The following ADAMTS17 variants were observed in gnomAD, a reference collection of about 807,000 sequenced individuals.
The protein encoded by ADAMTS17 is ADAM metallopeptidase with thrombospondin type 1 motif 17, also known as A disintegrin and metalloproteinase with thrombospondin motifs 17.
Under a neutral mutation model 141.5 loss-of-function variants are expected in ADAMTS17, and 113 were observed. The observed-to-expected ratio is 0.80, with a 90% CI of 0.69 to 0.93. The LOEUF (loss-of-function observed/expected upper bound fraction) is 0.93. Ranked by LOEUF, ADAMTS17 falls within the 40% of genes least tolerant of loss-of-function variation. The pLI, the probability that ADAMTS17 is intolerant of heterozygous loss-of-function variation, is 0.00. For synonymous variants in ADAMTS17, 768 were observed against 630.6 expected, an observed-to-expected ratio of 1.22 and a Z score of -3.27; for missense variants, 1,659 against 1,517.9, an observed-to-expected ratio of 1.09 and a Z score of -1.54.
chr15:99,977,416 T>A (rs2060385847), intron 20 of ADAMTS17, among the ~76,000 whole-genome samples: 3 of 85,498 alleles, frequency 3.5e-5, no homozygotes, highest in Admixed American at 1.2e-4. Context: ...TTTTTTTTTT[T>A]TTTTTTTTTT....
intron 3 of ADAMTS17, among the ~76,000 whole-genome samples, chr15:100,308,125 A>G (rs938636253): frequency 6.6e-6 from 1 of 152,238 alleles, no homozygotes; most frequent in Non-Finnish European, 1.5e-5. Context: ...TTTCAATGAC[A>G]TCTATTACCA....
At chr15:100,169,628 T>C (rs956715406) in intron 8 of ADAMTS17, among the ~76,000 whole-genome samples, 5 of 152,136 alleles carry the variant, frequency 3.3e-5, no homozygotes, top group Admixed American at 1.3e-4. Context: ...GAGGATGCAA[T>C]TGCCCCCACA....
intron 15 of ADAMTS17, among the ~76,000 whole-genome samples, chr15:100,064,600 A>G (rs1399611560): frequency 6.6e-6 from 1 of 152,130 alleles, no homozygotes; most frequent in African/African-American, 2.4e-5. Context: ...GCCTTAACAC[A>G]CGGTGCACCG....
intron 15 of ADAMTS17, among the ~76,000 whole-genome samples, chr15:100,070,554 G>A (rs148286386): frequency 0.17 from 25,964 of 149,198 alleles, 3,809 homozygotes; most frequent in East Asian, 0.54. Context: ...CTCAGACCAC[G>A]GTGCAATCAA....
chr15:99,983,514 A>T (rs2141293132), intron 20 of ADAMTS17, among the ~76,000 whole-genome samples: 1 of 152,290 alleles, frequency 6.6e-6, no homozygotes, highest in African/African-American at 2.4e-5. Flanking sequence ...CAGCTGTAAA[A>T]TCACAACTGT....
At chr15:100,193,438 C>G (rs1360111525) in intron 8 of ADAMTS17, among the ~76,000 whole-genome samples, 1 of 152,050 alleles carries the variant, frequency 6.6e-6, no homozygotes, top group Non-Finnish European at 1.5e-5. Flanking sequence ...CTGGGGGAGA[C>G]CCAGTGTTGG....
chr15:100,054,407 C>T (rs570136327), intron 15 of ADAMTS17, among the ~76,000 whole-genome samples: 38 of 152,182 alleles, frequency 2.5e-4, no homozygotes, highest in Non-Finnish European at 5.3e-4. Context: ...TAAACTTATC[C>T]AGCAGATGGT....
intron 18 of ADAMTS17, among the ~76,000 whole-genome samples, chr15:100,032,908 G>C (rs2030323440): frequency 6.6e-6 from 1 of 152,136 alleles, no homozygotes; most frequent in Non-Finnish European, 1.5e-5. Context: ...TCTCCTTACT[G>C]CTGATGAGCA....
At chr15:100,021,406 C>T (rs1304251788) in intron 18 of ADAMTS17, among the ~76,000 whole-genome samples, 1 of 152,148 alleles carries the variant, frequency 6.6e-6, no homozygotes, top group Non-Finnish European at 1.5e-5. Flanking sequence ...CTCAAATCTG[C>T]CTTCCCCTCC....
chr15:100,163,686 T>C (rs1343332921), intron 8 of ADAMTS17, among the ~76,000 whole-genome samples: 9 of 152,156 alleles, frequency 5.9e-5, no homozygotes, highest in Non-Finnish European at 5.9e-5. Flanking sequence ...CTCTAAGAAA[T>C]GGCTGCTGTT....
Position 100,279,466 on chromosome 15 carries a change from T to G in ADAMTS17, c.789+1763A>C, listed in dbSNP as rs144300817. On this transcript the variant is annotated intron_variant, in intron 4 of 21. Coordinates refer to ENST00000268070, the MANE Select transcript of ADAMTS17 (RefSeq NM_139057.4). ...CCTACCCCACAACCCACGGCTGCTG[T>G]GTCCCCACTGAAAACTCAGGCCCTG... is the stretch of plus-strand genomic sequence containing the variant. 3.2e-3 allele frequency among the ~76,000 whole-genome samples: 493 copies of G among 152,326 alleles called. 1 individual carries two copies. Among genetic ancestry groups the G allele is most frequent in the African/African-American group, 0.011 (455 of 41,572 alleles).
At chr15:100,294,465 T>C (rs1001069458) in intron 3 of ADAMTS17, among the ~76,000 whole-genome samples, 3 of 151,766 alleles carry the variant, frequency 2.0e-5, no homozygotes, top group Non-Finnish European at 4.4e-5. Context: ...CCAGATGCAG[T>C]GGCTCATACC....
chr15:100,332,564 G>A (rs924503014), intron 2 of ADAMTS17, among the ~76,000 whole-genome samples: 1 of 152,218 alleles, frequency 6.6e-6, no homozygotes, highest in African/African-American at 2.4e-5. Flanking sequence ...GTTATTATTC[G>A]TTCAGTCTAG....
rs573935812 is a variant in ADAMTS17, at chr15:100,190,889, G to A, written c.1181+8429C>T. On this transcript the variant is annotated intron_variant, in intron 8 of 21. Coordinates refer to ENST00000268070, the MANE Select transcript of ADAMTS17 (RefSeq NM_139057.4). ...CAGCGCTGGCCCTGGTTCTGTTCAC[G>A]TGTGGAAAGAGCACTGTGCTGTGGC... 5.3e-5 allele frequency among the ~76,000 whole-genome samples: 8 copies of A among 152,326 alleles called. No homozygotes were observed. In the South Asian group the frequency reaches 1.2e-3, roughly 24 times the overall value.
At chr15:100,104,846 A>G (rs938974809) in intron 14 of ADAMTS17, among the ~76,000 whole-genome samples, 3 of 152,246 alleles carry the variant, frequency 2.0e-5, no homozygotes, top group African/African-American at 7.2e-5. Flanking sequence ...ACAGGAATCC[A>G]GAATGTTTCA....
chr15:100,270,511 G>A (rs921526348), intron 4 of ADAMTS17, among the ~76,000 whole-genome samples: 34 of 152,026 alleles, frequency 2.2e-4, no homozygotes, highest in African/African-American at 8.2e-4. Flanking sequence ...AATTAAAAAA[G>A]TAAAGCCAGT....
At chr15:100,188,350 T>C (rs1445235555) in intron 8 of ADAMTS17, among the ~76,000 whole-genome samples, 1 of 151,900 alleles carries the variant, frequency 6.6e-6, no homozygotes, top group African/African-American at 2.4e-5. Flanking sequence ...ATGCTGGGAT[T>C]TTAGGCATGA....
chr15:100,132,896 G>A (rs1314376031), intron 11 of ADAMTS17, among the ~76,000 whole-genome samples: 2 of 152,220 alleles, frequency 1.3e-5, no homozygotes, highest in Non-Finnish European at 2.9e-5. Context: ...AGAGCCTACT[G>A]TGTATGGCAG....
Position 99,993,107 on chromosome 15 carries a change from C to A in ADAMTS17, c.2890G>T (p.Glu964Ter). ...KCDASTRPRA[E>*]EACEDYSGCY... The stretch of plus-strand genomic sequence containing the variant: ...CCTGAGTAGTCCTCGCAGGCCTCCT[C>A]GGCTCTCGGCCTCGTGGATGCGTCG... The change falls in exon 20 of 22, where the codon GAG becomes TAG. Residue 964 changes from glutamate to a stop codon, truncating the protein, a stop_gained. Coordinates refer to ENST00000268070, the MANE Select transcript of ADAMTS17 (RefSeq NM_139057.4). LOFTEE classifies it high-confidence loss of function. This position sits in a 1 kb window ranked among gnomAD's most constrained non-coding sequence, Gnocchi z 4.3. 1 of 1,614,150 alleles carries A rather than the reference C, an allele frequency of 6.2e-7. No homozygotes were observed. Among genetic ancestry groups the A allele is most frequent in the Non-Finnish European group, 8.5e-7 (1 of 1,180,048 alleles).
Sources: gnomAD v4.1 joint callset for allele counts (sites outside exome capture counted in the v4.1 genomes callset) on GRCh38, gnomAD v4.1.1 for gene constraint, Gnocchi (gnomAD v3.1) non-coding constraint, MANE v1.5 for transcripts, NCBI Gene and HGNC (gene_info 2026-07-23, HGNC 2026-07-21) for gene names.